Variants in PLSCR3 observed in about 807,000 individuals in gnomAD.
PLSCR3 encodes the protein phospholipid scramblase 3.
PLSCR3 carries 17 observed loss-of-function variants against 33.7 expected under a neutral mutation model. The observed-to-expected ratio is 0.50, with a 90% CI of 0.35 to 0.76. The LOEUF is 0.76. PLSCR3 is among the 30% of genes least tolerant of loss of function. The pLI, the probability that PLSCR3 is intolerant of heterozygous loss-of-function variation, is 0.01. For missense variants in PLSCR3, 360 were observed against 394.1 expected (o/e 0.91, Z 0.73); for synonymous variants, 166 against 166.0 (o/e 1.00, Z 0.00).
At position 7,390,110 on chromosome 17, in the gene PLSCR3, G is replaced by A. The variant is rs1905531402; in HGVS notation, c.*275C>T. The A allele has an allele frequency of 5.4e-6, 2 of 371,714 alleles. No individual in the cohort carries two copies. The highest frequency in any genetic ancestry group is 9.9e-6 in the Non-Finnish European group (2 of 202,964). The allele number at this position is 371,714 out of a possible 1,614,324, so 23.0% of individuals were successfully genotyped here. ...TGGAGCAGAGGCCCTGGAAGGGGGT[G>A]GGAGAGAGTGCATGGGGAAAGTGTG... On this transcript the variant is annotated 3_prime_UTR_variant, in exon 8 of 8. Coordinates refer to ENST00000619711, the MANE Select transcript of PLSCR3 (RefSeq NM_020360.4).
At chr17:7,393,877 A>G (rs1319803765) in intron 2 of PLSCR3, 41 bp from the exon 3 acceptor site, 2 of 1,260,754 alleles carry the variant, frequency 1.6e-6, no homozygotes, top group Non-Finnish European at 2.2e-6. Context: ...AAAGGGACTC[A>G]AGGCCTCATC....
Position 7,390,293 on chromosome 17 carries a change from T to TGGAGGAAAGGGGCTGCCC in PLSCR3, c.*74_*91dup, listed in dbSNP as rs1409781127. 224 of 1,007,778 alleles carry TGGAGGAAAGGGGCTGCCC rather than the reference T, an allele frequency of 2.2e-4. 1 individual carries two copies. The African/African-American group carries it at 3.4e-3, about 15-fold the overall frequency. The allele number at this position is 1,007,778 out of a possible 1,614,324, so 62.4% of individuals were successfully genotyped here. A position where few individuals can be genotyped will look rare whatever the true frequency, so the allele number is the denominator to read the frequency against. ...CCCCTTCTGTCCCCTGCAGTGTACATGGAGGAAAGGGGCTGCCCAGAGGAG... is the reference window on the plus strand; with the variant it reads ...CCCCTTCTGTCCCCTGCAGTGTACATGGAGGAAAGGGGCTGCCCGGAGGAAAGGGGCTGCCCAGAGGAG... On this transcript the variant is annotated 3_prime_UTR_variant, in exon 8 of 8. Coordinates refer to ENST00000619711, the MANE Select transcript of PLSCR3 (RefSeq NM_020360.4).
In PLSCR3 at chr17:7,391,190, G is replaced by A. The variant is rs1488621879; in HGVS notation, c.670-395C>T. On this transcript the variant is annotated intron_variant, in intron 6 of 7. Transcript: ENST00000619711. This position sits in a 1 kb window ranked among gnomAD's most constrained non-coding sequence, Gnocchi z 4.1. ...CTGCCACCCACAATTGGCACAGCTT[G>A]TGCCCTACACAAAGTAACCTGGCCA... Among the ~76,000 whole-genome samples the A allele has an allele frequency of 6.6e-6, 1 of 152,224 alleles. No homozygotes were observed. Among genetic ancestry groups the A allele is most frequent in the Non-Finnish European group, 1.5e-5 (1 of 68,038 alleles).
In PLSCR3 at chr17:7,394,131, C is replaced by T. The variant is rs1408427041; in HGVS notation, c.-21G>A. Reference sequence around the variant, plus strand: ...GCCATGGGAGAAGGGCTGGGGTTTTCGAGATGATGGTGTCTGGGTGGCTTA... The same window carrying T: ...GCCATGGGAGAAGGGCTGGGGTTTTTGAGATGATGGTGTCTGGGTGGCTTA... On this transcript the variant is annotated 5_prime_UTR_variant, in exon 2 of 8. Coordinates refer to ENST00000619711, the MANE Select transcript of PLSCR3 (RefSeq NM_020360.4). The surrounding 1 kb of genome is among the most constrained non-coding windows in gnomAD (Gnocchi z 5.3). The T allele has an allele frequency of 1.2e-5, 20 of 1,612,742 alleles. No homozygotes were observed. Among genetic ancestry groups the T allele is most frequent in the Non-Finnish European group, 1.7e-5 (20 of 1,179,224 alleles).
At chr17:7,393,553 A>G in intron 3 of PLSCR3, 44 bp from the exon 4 acceptor site, 1 of 1,613,920 alleles carries the variant, frequency 6.2e-7, no homozygotes, top group Non-Finnish European at 8.5e-7. Flanking sequence ...GCCCATCTGG[A>G]CGCCCAAGTC....
chr17:7,390,743 C>G lies in PLSCR3; in HGVS notation c.722G>C (p.Gly241Ala), dbSNP rs1905615205. The change falls in exon 7 of 8, where the codon GGG becomes GCG. Residue 241 changes from glycine (G) to alanine (A), a missense_variant. Transcript: ENST00000619711. ...RSVGRISKQW[G>A]GLVREALTDA... Reference sequence around the variant, plus strand: ...TGTGAGGGCTTCTCGGACCAGGCCCCCCCACTGCTTGCTGATGCGGCCCAC... The same window carrying G: ...TGTGAGGGCTTCTCGGACCAGGCCCGCCCACTGCTTGCTGATGCGGCCCAC... 1 of 1,614,184 alleles carries G rather than the reference C, an allele frequency of 6.2e-7. No individual in the cohort carries two copies. Among genetic ancestry groups the G allele is most frequent in the Non-Finnish European group, 8.5e-7 (1 of 1,180,034 alleles).
At position 7,394,337 on chromosome 17, in the gene PLSCR3, G is replaced by T. The variant is rs1196687899; in HGVS notation, c.-157-70C>A. 3 of 516,274 alleles carry T rather than the reference G, an allele frequency of 5.8e-6. No individual in the cohort carries two copies. Among genetic ancestry groups the T allele is most frequent in the South Asian group, 2.9e-5 (1 of 34,936 alleles). 32.0% of individuals were successfully genotyped at this position (516,274 alleles called of 1,614,324 possible). On this transcript the variant is annotated intron_variant, in intron 1 of 7. Transcript: ENST00000619711. This position sits in a 1 kb window ranked among gnomAD's most constrained non-coding sequence, Gnocchi z 5.3. ...CCTGGGACCCTGGATTCCCTCGGGG[G>T]CCCCAGAACCGCCCCCTCCCTTTGT...
Position 7,393,141 on chromosome 17 carries a change from C to T in PLSCR3, c.507+3G>A. 6.9e-7 allele frequency: 1 copy of T among 1,457,560 alleles called. No homozygotes were observed. The highest frequency in any genetic ancestry group is 9.0e-7 in the Non-Finnish European group (1 of 1,113,682). 90.3% of individuals were successfully genotyped at this position (1,457,560 alleles called of 1,614,324 possible). ...GCCCTCCCGGCCCCCTCCCTCCGCC[C>T]ACCTCCTGGAGGCCACAGGGGCAGC... On this transcript the variant is annotated splice_donor_region_variant and intron_variant, in intron 5 of 7. Transcript: ENST00000619711.
rs755763834 is a variant in PLSCR3, at chr17:7,394,272, C to A, written c.-157-5G>T. 3 of 619,946 alleles carry A rather than the reference C, an allele frequency of 4.8e-6. No individual in the cohort carries two copies. The highest frequency in any genetic ancestry group is 8.4e-6 in the Non-Finnish European group (3 of 355,356). 38.4% of individuals were successfully genotyped at this position (619,946 alleles called of 1,614,324 possible). A position where few individuals can be genotyped will look rare whatever the true frequency, so the allele number is the denominator to read the frequency against. On this transcript the variant is annotated splice_polypyrimidine_tract_variant and splice_region_variant and intron_variant, in intron 1 of 7. Transcript: ENST00000619711. The surrounding 1 kb of genome is among the most constrained non-coding windows in gnomAD (Gnocchi z 5.3). The stretch of plus-strand genomic sequence containing the variant: ...AGGGTCTCTTGGGCGGCGCCTCTGA[C>A]TCGGGGAGAAACCCAAGTGTCAGTG...
In PLSCR3 at chr17:7,391,805, T is replaced by C. The variant is rs771275709; in HGVS notation, c.669+986A>G. ...CTCATTTTTGCAAAGTAACCTTAGG[T>C]AGGGTACCTCATTAGAAGCGTTGGA... is the stretch of plus-strand genomic sequence containing the variant. On this transcript the variant is annotated intron_variant, in intron 6 of 7. Coordinates refer to ENST00000619711, the MANE Select transcript of PLSCR3 (RefSeq NM_020360.4). The surrounding 1 kb of genome is among the most constrained non-coding windows in gnomAD (Gnocchi z 4.1). 2.6e-5 allele frequency among the ~76,000 whole-genome samples: 4 copies of C among 152,242 alleles called. No homozygotes were observed. Among genetic ancestry groups the C allele is most frequent in the Admixed American group, 6.5e-5 (1 of 15,284 alleles).
intron 7 of PLSCR3, 86 bp from the exon 8 acceptor site, chr17:7,390,527 A>C (rs1567650718): frequency 1.9e-6 from 3 of 1,564,486 alleles, no homozygotes; most frequent in Non-Finnish European, 2.6e-6. Context: ...CTCAACCCCC[A>C]CAACACCTAT....
Position 7,390,726 on chromosome 17 carries a change from C to G in PLSCR3, c.739G>C (p.Ala247Pro), listed in dbSNP as rs775941995. 3 of 1,614,176 alleles carry G rather than the reference C, an allele frequency of 1.9e-6. No homozygotes were observed. The highest frequency in any genetic ancestry group is 2.5e-6 in the Non-Finnish European group (3 of 1,180,020). The change falls in exon 7 of 8, where the codon GCC becomes CCC. Residue 247 changes from alanine to proline, a missense_variant. Physicochemically the swap from Ala to Pro is conservative, Grantham distance 27 (BLOSUM62 -1). Coordinates refer to ENST00000619711, the MANE Select transcript of PLSCR3 (RefSeq NM_020360.4). Reference protein sequence around the residue: ...SKQWGGLVREALTDADDFGLQ... With the variant: ...SKQWGGLVREPLTDADDFGLQ... ...CCAAAGTCATCTGCATCTGTGAGGG[C>G]TTCTCGGACCAGGCCCCCCCACTGC...
At position 7,393,070 on chromosome 17, in the gene PLSCR3, C is replaced by T. The variant is rs1023328100; in HGVS notation, c.507+74G>A. On this transcript the variant is annotated intron_variant, in intron 5 of 7. Transcript: ENST00000619711. ...CCTGCCCACTCCCACCTGATCCAGG[C>T]CTCATCTCAGGTGGACCTCATCATT... 11 of 1,485,420 alleles carry T rather than the reference C, an allele frequency of 7.4e-6. No individual in the cohort carries two copies. The Admixed American group carries it at 2.2e-4, about 30-fold the overall frequency. The allele number at this position is 1,485,420 out of a possible 1,614,324, so 92.0% of individuals were successfully genotyped here.
rs767530492 is a variant in PLSCR3, at chr17:7,393,295, G to A, written c.356C>T (p.Ala119Val). The change falls in exon 5 of 8, where the codon GCG (alanine) becomes GTG (valine). Residue 119 changes from alanine (A) to valine (V), a missense_variant. Transcript: ENST00000619711. ...RSGAGQPLGQ[A>V]AEESNCCARL... is the part of the protein sequence containing the mutation. ...GGCGCAGCAGTTGCTCTCCTCGGCC[G>A]CCTGACCCAGGGGCTGCCCGGCCCC... is the stretch of plus-strand genomic sequence containing the variant. 5 of 1,609,880 alleles carry A rather than the reference G, an allele frequency of 3.1e-6. No homozygotes were observed. The East Asian group carries it at 6.7e-5, about 22-fold the overall frequency.
At chr17:7,392,752 G>A (rs557497185) in intron 6 of PLSCR3, 39 bp downstream of exon 6, 78 of 1,598,470 alleles carry the variant, frequency 4.9e-5, no homozygotes, top group Non-Finnish European at 6.3e-5. Flanking sequence ...CATCATCTTG[G>A]TTTACGAAGG....
At position 7,391,272 on chromosome 17, in the gene PLSCR3, C is replaced by CT. The variant is rs1410657121; in HGVS notation, c.670-478dup. 6.6e-5 allele frequency among the ~76,000 whole-genome samples: 10 copies of CT among 152,282 alleles called. No homozygotes were observed. The East Asian group carries it at 1.9e-3, about 29-fold the overall frequency. Reference sequence around the variant, plus strand: ...TGTACTTCACCAGTCAAGAAGGCTCCTAGAAGGCTATGTCTACCCCGAAGA... The same window carrying CT: ...TGTACTTCACCAGTCAAGAAGGCTCCTTAGAAGGCTATGTCTACCCCGAAGA... On this transcript the variant is annotated intron_variant, in intron 6 of 7. Coordinates refer to ENST00000619711, the MANE Select transcript of PLSCR3 (RefSeq NM_020360.4). This position sits in a 1 kb window ranked among gnomAD's most constrained non-coding sequence, Gnocchi z 4.1.
rs62061166 is a variant in PLSCR3 at position 7,391,301 on chromosome 17, C to T, written c.670-506G>A. 2.6e-3 allele frequency among the ~76,000 whole-genome samples: 393 copies of T among 152,334 alleles called. 1 individual carries two copies. The highest frequency in any genetic ancestry group is 5.2e-3 in the Admixed American group (80 of 15,306). On this transcript the variant is annotated intron_variant, in intron 6 of 7. Coordinates refer to ENST00000619711, the MANE Select transcript of PLSCR3 (RefSeq NM_020360.4). This position sits in a 1 kb window ranked among gnomAD's most constrained non-coding sequence, Gnocchi z 4.1. Reference sequence around the variant, plus strand: ...AAGGCTATGTCTACCCCGAAGAGTACCTTTTCTCTAATCTGCAAAGTAGGG... The same window carrying T: ...AAGGCTATGTCTACCCCGAAGAGTATCTTTTCTCTAATCTGCAAAGTAGGG...
rs773167353 is a variant in PLSCR3, at chr17:7,393,374, G to T, written c.287-10C>A. 1 of 1,613,576 alleles carries T rather than the reference G, an allele frequency of 6.2e-7. No homozygotes were observed. Among genetic ancestry groups the T allele is most frequent in the Non-Finnish European group, 8.5e-7 (1 of 1,179,876 alleles). On this transcript the variant is annotated splice_polypyrimidine_tract_variant and intron_variant, in intron 4 of 7. Coordinates refer to ENST00000619711, the MANE Select transcript of PLSCR3 (RefSeq NM_020360.4). The stretch of plus-strand genomic sequence containing the variant: ...TCCCAGCCTAGGAACGCTGCCCGAG[G>T]TGACACGGGGAGACTCGTAGAGCCT...
rs766704085 is a variant in PLSCR3, at chr17:7,390,456, C to T, written c.832-15G>A. ...AACATGTAGTCCTAAGAGGAGGCCA[C>T]TGTCAATGGGAGATCCGGCTGGGCC... On this transcript the variant is annotated splice_polypyrimidine_tract_variant and intron_variant, in intron 7 of 7. Transcript: ENST00000619711. 1.1e-5 allele frequency: 18 copies of T among 1,591,464 alleles called. No individual in the cohort carries two copies. Among genetic ancestry groups the T allele is most frequent in the Non-Finnish European group, 1.5e-5 (17 of 1,167,460 alleles).
Sources: gnomAD v4.1 joint callset for allele counts (sites outside exome capture counted in the v4.1 genomes callset) on GRCh38, gnomAD v4.1.1 for gene constraint, Gnocchi (gnomAD v3.1) non-coding constraint, MANE v1.5 for transcripts, NCBI Gene and HGNC (gene_info 2026-07-23, HGNC 2026-07-21) for gene names.